MARK2: variants seen among roughly 807,000 people sequenced by gnomAD.
The protein encoded by MARK2 is serine/threonine-protein kinase MARK2.
MARK2 carries 16 observed loss-of-function variants against 89.8 expected under a neutral mutation model. The ratio of observed to expected loss-of-function variants is 0.18; its 90% CI spans 0.12 to 0.27. The LOEUF is 0.27. MARK2 is among the 10% of genes least tolerant of loss of function. MARK2 has a pLI of 1.00. For synonymous variants in MARK2, 382 were observed against 399.5 expected, an observed-to-expected ratio of 0.96 and a Z score of 0.52; for missense variants, 621 against 1,049.9, an observed-to-expected ratio of 0.59 and a Z score of 5.65.
At chr11:63,842,248 C>T (rs958121930) in intron 1 of MARK2, among the ~76,000 whole-genome samples, 3 of 146,004 alleles carry the variant, frequency 2.1e-5, no homozygotes, top group Non-Finnish European at 4.5e-5. Flanking sequence ...GATAGAGTCT[C>T]GTTCTGTCGC....
At position 63,903,966 on chromosome 11, in the gene MARK2, C is replaced by T; in HGVS notation, c.1515-20C>T. Reference sequence around the variant, plus strand: ...TCACTCACCCCTAACACGGGCCTCTCCGCTGCTTTTGTTTCCTAGCCTAAC... The same window carrying T: ...TCACTCACCCCTAACACGGGCCTCTTCGCTGCTTTTGTTTCCTAGCCTAAC... On this transcript the variant is annotated intron_variant, in intron 14 of 18. Coordinates refer to ENST00000402010, the MANE Select transcript of MARK2 (RefSeq NM_001039469.3). The surrounding 1 kb of genome is among the most constrained non-coding windows in gnomAD (Gnocchi z 5.1). 6.3e-7 allele frequency: 1 copy of T among 1,590,542 alleles called. No homozygotes were observed. The highest frequency in any genetic ancestry group is 8.6e-7 in the Non-Finnish European group (1 of 1,166,980).
rs573697015 is a variant in MARK2, at chr11:63,880,568, T to C, written c.55-14591T>C. ...ATTGTCACAGCAAGACACAATGGTT[T>C]TGATAGCAAAGCAGTAGAGAAACTA... On this transcript the variant is annotated intron_variant, in intron 1 of 18. Coordinates refer to ENST00000402010, the MANE Select transcript of MARK2 (RefSeq NM_001039469.3). Among the ~76,000 whole-genome samples, 6 of 152,324 alleles carry C rather than the reference T, an allele frequency of 3.9e-5. No individual in the cohort carries two copies. The East Asian group carries it at 9.6e-4, about 24-fold the overall frequency.
At chr11:63,842,217 C>CTT (rs563980317) in intron 1 of MARK2, among the ~76,000 whole-genome samples, 99 of 133,052 alleles carry the variant, frequency 7.4e-4, no homozygotes, top group African/African-American at 2.4e-3. Context: ...TTCCTGTATT[C>CTT]TTTTTTTTTT....
At position 63,903,361 on chromosome 11, in the gene MARK2, C is replaced by T; in HGVS notation, c.1514+203C>T. ...CCCATCTTCCTCTGACTGCTACTTG[C>T]AGTTTGCCAAGTGTGGGGCTGACCG... On this transcript the variant is annotated intron_variant, in intron 14 of 18. Transcript: ENST00000402010. This position sits in a 1 kb window ranked among gnomAD's most constrained non-coding sequence, Gnocchi z 5.1. The T allele has an allele frequency of 5.2e-6, 3 of 578,378 alleles. No individual in the cohort carries two copies. Among genetic ancestry groups the T allele is most frequent in the Non-Finnish European group, 6.2e-6 (2 of 321,764 alleles). The allele number at this position is 578,378 out of a possible 1,614,324, so 35.8% of individuals were successfully genotyped here. A position where few individuals can be genotyped will look rare whatever the true frequency, so the allele number is the denominator to read the frequency against.
chr11:63,890,665 T>G (rs1198176142), intron 1 of MARK2, among the ~76,000 whole-genome samples: 2 of 152,264 alleles, frequency 1.3e-5, no homozygotes, highest in Non-Finnish European at 2.9e-5. Context: ...AGCCTTCAGC[T>G]GAGCTGTAGC....
chr11:63,894,151 T>C (rs892165507), intron 1 of MARK2, among the ~76,000 whole-genome samples: 3 of 152,242 alleles, frequency 2.0e-5, no homozygotes, highest in Admixed American at 2.0e-4. Context: ...CAAGTATTCA[T>C]TGAGCAGCAA....
chr11:63,902,494 G>A lies in MARK2; in HGVS notation c.1235-107G>A. On this transcript the variant is annotated intron_variant, in intron 12 of 18. Transcript: ENST00000402010. The surrounding 1 kb of genome is among the most constrained non-coding windows in gnomAD (Gnocchi z 4.2). ...TTCCCTTCCCTCGCCTCTGTGGAAT[G>A]GGGGCTTGCTGGGTTGTTGGCCAGC... 1 of 1,381,518 alleles carries A rather than the reference G, an allele frequency of 7.2e-7. No individual in the cohort carries two copies. Among genetic ancestry groups the A allele is most frequent in the Non-Finnish European group, 1.0e-6 (1 of 994,844 alleles). The allele number at this position is 1,381,518 out of a possible 1,614,324, so 85.6% of individuals were successfully genotyped here.
rs1344017242 is a variant in MARK2 at position 63,902,946 on chromosome 11, C to T, written c.1417-115C>T. The T allele has an allele frequency of 7.3e-6, 8 of 1,090,222 alleles. No homozygotes were observed. Among genetic ancestry groups the T allele is most frequent in the Non-Finnish European group, 1.1e-5 (8 of 717,412 alleles). The allele number at this position is 1,090,222 out of a possible 1,614,324, so 67.5% of individuals were successfully genotyped here. On this transcript the variant is annotated intron_variant, in intron 13 of 18. Transcript: ENST00000402010. This position sits in a 1 kb window ranked among gnomAD's most constrained non-coding sequence, Gnocchi z 4.2. ...ATGCAGAATCCTTTCCTTAACCTAC[C>T]ACTGTCTGCTTCAGGTGGAAGGGAC...
In MARK2 at chr11:63,904,391, C is replaced by A. The variant is rs1472120478; in HGVS notation, c.1676+244C>A. 6.6e-6 allele frequency among the ~76,000 whole-genome samples: 1 copy of A among 152,186 alleles called. No homozygotes were observed. The highest frequency in any genetic ancestry group is 1.5e-5 in the Non-Finnish European group (1 of 68,014). ...GCTGTCCTAAGGCTCCAAAGGGAAACCTTTTTGTTCTGAACCTTCCAGGGT... is the reference window on the plus strand; with the variant it reads ...GCTGTCCTAAGGCTCCAAAGGGAAAACTTTTTGTTCTGAACCTTCCAGGGT... On this transcript the variant is annotated intron_variant, in intron 15 of 18. Transcript: ENST00000402010. The surrounding 1 kb of genome is among the most constrained non-coding windows in gnomAD (Gnocchi z 6.3).
At chr11:63,878,810 G>C (rs1018583973) in intron 1 of MARK2, among the ~76,000 whole-genome samples, 1 of 152,094 alleles carries the variant, frequency 6.6e-6, no homozygotes, top group African/African-American at 2.4e-5. Flanking sequence ...TCTGGGCTAT[G>C]GTTTAAGTCT....
At chr11:63,906,827 G>A (rs1316682746) in intron 17 of MARK2, among the ~76,000 whole-genome samples, 4 of 103,738 alleles carry the variant, frequency 3.9e-5, no homozygotes, top group Middle Eastern at 8.2e-3. Context: ...CCGCACCCCT[G>A]CCCCAGCACC....
chr11:63,865,997 G>T (rs913768769), intron 1 of MARK2, among the ~76,000 whole-genome samples: 2 of 152,112 alleles, frequency 1.3e-5, no homozygotes, highest in Admixed American at 6.5e-5. Flanking sequence ...GTGCGTTCCT[G>T]TTCTGTTTGG....
intron 1 of MARK2, among the ~76,000 whole-genome samples, chr11:63,875,493 C>G (rs536858556): frequency 1.3e-5 from 2 of 152,260 alleles, no homozygotes; most frequent in South Asian, 2.1e-4. Flanking sequence ...CTCAAATGAT[C>G]CGCCTACCTC....
In MARK2 at chr11:63,848,282, A is replaced by G. The variant is rs2016380616; in HGVS notation, c.54+8722A>G. On this transcript the variant is annotated intron_variant, in intron 1 of 18. Transcript: ENST00000402010. ...GGGGCTGGTTGCCCCTGTTGATACT[A>G]CAGTGAGCTACTCATTGCTTCTGAT... Among the ~76,000 whole-genome samples the G allele has an allele frequency of 4.6e-5, 7 of 152,318 alleles. No individual in the cohort carries two copies. The South Asian group carries it at 1.2e-3, about 27-fold the overall frequency.
chr11:63,870,057 G>A (rs189771539), intron 1 of MARK2, among the ~76,000 whole-genome samples: 2 of 152,292 alleles, frequency 1.3e-5, no homozygotes, highest in East Asian at 1.9e-4. Context: ...CCTTGGCAGC[G>A]TGCCCCCATT....
chr11:63,867,861 A>AT (rs1938221494), intron 1 of MARK2, among the ~76,000 whole-genome samples: 2 of 152,196 alleles, frequency 1.3e-5, no homozygotes, highest in African/African-American at 4.8e-5. Context: ...TGAAAAAAAA[A>AT]CAAAAGCCAT....
intron 1 of MARK2, among the ~76,000 whole-genome samples, chr11:63,884,825 GA>G (rs1472814616): frequency 1.3e-5 from 2 of 152,212 alleles, no homozygotes; most frequent in Admixed American, 6.5e-5. Context: ...TAGTTGCTCA[GA>G]ATCAAAGGAT....
intron 1 of MARK2, 85 bp downstream of exon 1, chr11:63,839,645 GC>G: frequency 2.4e-6 from 2 of 848,316 alleles, no homozygotes; most frequent in Non-Finnish European, 1.9e-6. Flanking sequence ...CTCTCCTCGT[GC>G]CCCTGCTGCC....
At position 63,903,475 on chromosome 11, in the gene MARK2, T is replaced by C. The variant is rs1428183049; in HGVS notation, c.1514+317T>C. 4.9e-6 allele frequency: 2 copies of C among 404,042 alleles called. No homozygotes were observed. Among genetic ancestry groups the C allele is most frequent in the Non-Finnish European group, 9.3e-6 (2 of 216,146 alleles). The allele number at this position is 404,042 out of a possible 1,614,324, so 25.0% of individuals were successfully genotyped here. A position where few individuals can be genotyped will look rare whatever the true frequency, so the allele number is the denominator to read the frequency against. The stretch of plus-strand genomic sequence containing the variant: ...AGACATGAGCAGCTAAGGCCTTGTG[T>C]TGGGGGTCCCAGCTCAGGGCAGAAC... On this transcript the variant is annotated intron_variant, in intron 14 of 18. Coordinates refer to ENST00000402010, the MANE Select transcript of MARK2 (RefSeq NM_001039469.3). This position sits in a 1 kb window ranked among gnomAD's most constrained non-coding sequence, Gnocchi z 5.1.
Sources: allele counts gnomAD v4.1 joint callset (sites outside exome capture counted in the v4.1 genomes callset), GRCh38; gene constraint gnomAD v4.1.1; non-coding constraint Gnocchi (gnomAD v3.1); transcripts MANE v1.5; gene names NCBI Gene and HGNC (gene_info 2026-07-23, HGNC 2026-07-21).